PCDHA3: variants seen among roughly 807,000 people sequenced by gnomAD.
PCDHA3 encodes the protein protocadherin alpha 3.
PCDHA3 carries 41 observed loss-of-function variants against 62.2 expected under a neutral mutation model. The ratio of observed to expected loss-of-function variants is 0.66; its 90% CI spans 0.51 to 0.86. PCDHA3 has a LOEUF of 0.86. Among genes scored for constraint, PCDHA3 ranks in the 40% least tolerant of loss-of-function variants. The pLI, the probability that PCDHA3 is intolerant of heterozygous loss-of-function variation, is 0.00. For missense variants in PCDHA3, 1,304 were observed against 1,241.2 expected, an observed-to-expected ratio of 1.05 and a Z score of -0.76; for synonymous variants, 640 against 555.4, an observed-to-expected ratio of 1.15 and a Z score of -2.14.
intron 1 of PCDHA3, chr5:140,882,266 A>G (rs1471101520): frequency 6.2e-7 from 1 of 1,610,426 alleles, no homozygotes; most frequent in South Asian, 1.1e-5. Flanking sequence ...TTTGGAGTGT[A>G]CCATGCTGTC....
intron 1 of PCDHA3, 139 bp from the exon 2 acceptor site, chr5:140,978,808 TAG>T: frequency 6.7e-7 from 1 of 1,496,146 alleles, no homozygotes; most frequent in Non-Finnish European, 8.9e-7. Flanking sequence ...GATATCATCA[TAG>T]AGTTACACAT....
At chr5:140,804,030 TA>T (rs1285942918) in intron 1 of PCDHA3, 1 of 192,144 alleles carries the variant, frequency 5.2e-6, no homozygotes, top group Non-Finnish European at 1.1e-5. Flanking sequence ...TGAGTTCACC[TA>T]ATGCTTATAA....
Position 140,982,561 on chromosome 5 carries a change from C to T in PCDHA3, c.2540C>T (p.Pro847Leu), listed in dbSNP as rs560422677. 11 of 1,614,060 alleles carry T rather than the reference C, an allele frequency of 6.8e-6. No individual in the cohort carries two copies. Among genetic ancestry groups the T allele is most frequent in the Non-Finnish European group, 9.3e-6 (11 of 1,179,970 alleles). Residue 847 changes from proline to leucine, a missense_variant and splice_region_variant, in exon 3 of 4, where the codon CCA becomes CTA. Pro to Leu is a moderately conservative substitution (Grantham distance 98). Coordinates refer to ENST00000522353, the MANE Select transcript of PCDHA3 (RefSeq NM_018906.3). Reference protein sequence around the residue: ...QQWPTVSSATPEPEAGEVSPP... With the variant: ...QQWPTVSSATLEPEAGEVSPP... ...TGGCCAACAGTATCCAGTGCAACAC[C>T]AGGTAAAGAGCTGGGGTCTCTCCAT...
At chr5:140,836,745 C>A in intron 1 of PCDHA3, 1 of 1,588,116 alleles carries the variant, frequency 6.3e-7, no homozygotes, top group Non-Finnish European at 8.6e-7. Flanking sequence ...CAATGTGAGT[C>A]ATAAATAATC....
chr5:140,809,236 G>A, intron 1 of PCDHA3: 1 of 1,614,104 alleles, frequency 6.2e-7, no homozygotes. Context: ...CACGGGCGTT[G>A]GTGGGCGCTG....
intron 1 of PCDHA3, chr5:140,928,429 T>A: frequency 6.2e-7 from 1 of 1,614,146 alleles, no homozygotes; most frequent in Non-Finnish European, 8.5e-7. Flanking sequence ...CAAAACTTCC[T>A]TTGACTTTGA....
intron 1 of PCDHA3, chr5:140,854,159 CAA>C (rs59855104): frequency 4.1e-3 from 1,382 of 339,958 alleles, no homozygotes; most frequent in Non-Finnish European, 4.7e-3. Flanking sequence ...GATTCTGTCT[CAA>C]AAAAAAAAAA....
intron 1 of PCDHA3, chr5:140,824,731 A>G (rs1299399063): frequency 6.7e-6 from 1 of 149,944 alleles, no homozygotes; most frequent in African/African-American, 2.5e-5. Context: ...AAGTACTAAG[A>G]TTACAGGATT....
At chr5:140,805,621 A>G in intron 1 of PCDHA3, 8 of 916,950 alleles carry the variant, frequency 8.7e-6, no homozygotes, top group Non-Finnish European at 1.0e-5. Context: ...ATGTAAGAAA[A>G]TGTATTGTGG....
intron 1 of PCDHA3, among the ~76,000 whole-genome samples, chr5:140,970,553 C>T (rs1349644785): frequency 5.9e-5 from 9 of 152,122 alleles, no homozygotes; most frequent in South Asian, 2.1e-4. Flanking sequence ...GTTGTGTGTT[C>T]GTCTCCATAT....
chr5:140,807,595 AC>A, intron 1 of PCDHA3: 1 of 1,614,194 alleles, frequency 6.2e-7, no homozygotes, highest in Non-Finnish European at 8.5e-7. Context: ...TCCCAGCAAC[AC>A]AAAAGAACCT....
chr5:140,869,577 T>C, intron 1 of PCDHA3: 2 of 1,614,188 alleles, frequency 1.2e-6, no homozygotes, highest in Non-Finnish European at 8.5e-7. Context: ...AGGGAGCTTC[T>C]GATGCTGACA....
intron 3 of PCDHA3, among the ~76,000 whole-genome samples, chr5:140,994,938 C>T (rs2097656507): frequency 6.6e-6 from 1 of 152,232 alleles, no homozygotes; most frequent in East Asian, 1.9e-4. Context: ...CCTTAAACAT[C>T]CTGCTAAATA....
intron 1 of PCDHA3, chr5:140,869,124 G>C: frequency 6.2e-7 from 1 of 1,608,632 alleles, no homozygotes; most frequent in East Asian, 2.2e-5. Flanking sequence ...TTCAGAGAAG[G>C]GGATTGGGCA....
rs2150347942 is a variant in PCDHA3 at position 140,842,929 on chromosome 5, C to G, written c.2394+39338C>G. On this transcript the variant is annotated intron_variant, in intron 1 of 3. Coordinates refer to ENST00000522353, the MANE Select transcript of PCDHA3 (RefSeq NM_018906.3). ...TAGAGCTGCTGCAGTTCCAGGTGAG[C>G]GCGCGCGACGCGGGCGTGCCGCCTC... is the stretch of plus-strand genomic sequence containing the variant. The G allele has an allele frequency of 1.2e-5, 19 of 1,594,384 alleles. No individual in the cohort carries two copies. The East Asian group carries it at 3.8e-4, about 32-fold the overall frequency.
intron 3 of PCDHA3, among the ~76,000 whole-genome samples, chr5:140,992,100 A>G (rs1285742519): frequency 6.6e-6 from 1 of 151,526 alleles, no homozygotes; most frequent in African/African-American, 2.4e-5. Context: ...AAAGAGAATT[A>G]AGGTGAGATG....
At chr5:140,823,924 T>A in intron 1 of PCDHA3, 1 of 1,613,970 alleles carries the variant, frequency 6.2e-7, no homozygotes, top group East Asian at 2.2e-5. Context: ...GCTGCTGCTG[T>A]ACACCGCGCT....
chr5:140,848,365 A>T, intron 1 of PCDHA3: 1 of 1,070,202 alleles, frequency 9.3e-7, no homozygotes, highest in Non-Finnish European at 1.4e-6. Flanking sequence ...CATGGGAAAG[A>T]GGCTCAATTC....
intron 1 of PCDHA3, chr5:140,863,731 A>G (rs1249998987): frequency 1.2e-5 from 3 of 259,294 alleles, no homozygotes; most frequent in Non-Finnish European, 2.3e-5. Context: ...GCGGTAGCTC[A>G]TGCCTATTTG....
Sources: gnomAD v4.1 joint callset for allele counts (sites outside exome capture counted in the v4.1 genomes callset) on GRCh38, gnomAD v4.1.1 for gene constraint, MANE v1.5 for transcripts, NCBI Gene and HGNC (gene_info 2026-07-23, HGNC 2026-07-21) for gene names.